GDPD4: variants seen among roughly 807,000 people sequenced by gnomAD.
The protein encoded by GDPD4 is glycerophosphodiester phosphodiesterase 6.
GDPD4 carries 60 observed loss-of-function variants against 67.8 expected under a neutral mutation model. The observed-to-expected ratio is 0.88, with a 90% CI of 0.72 to 1.10. GDPD4 has a LOEUF of 1.10. Ranked by LOEUF, GDPD4 falls within the 50% of genes least tolerant of loss-of-function variation. The pLI, the probability that GDPD4 is intolerant of heterozygous loss-of-function variation, is 0.00. For missense variants in GDPD4, 623 were observed against 613.9 expected (o/e 1.01, Z -0.16); for synonymous variants, 212 against 210.9 (o/e 1.00, Z -0.04).
Position 77,236,729 on chromosome 11 carries a change from A to AAC in GDPD4, c.1242-3559_1242-3558dup, listed in dbSNP as rs34508625. ...AAAGAGTTTCAAAATACAAGAAGGA[A>AAC]ACACACACACACACACACACACAAA... On this transcript the variant is annotated intron_variant, in intron 13 of 16. Transcript: ENST00000315938. 3.7e-3 allele frequency among the ~76,000 whole-genome samples: 534 copies of AAC among 145,478 alleles called. 2 individuals are homozygous for AAC. Among genetic ancestry groups the AAC allele is most frequent in the East Asian group, 4.6e-3 (23 of 5,040 alleles).
intron 12 of GDPD4, 100 bp from the exon 13 acceptor site, chr11:77,243,948 A>G: frequency 1.3e-6 from 1 of 746,154 alleles, no homozygotes; most frequent in South Asian, 1.7e-5. Flanking sequence ...CACAGGTAGT[A>G]TTCTACAGAG....
At chr11:77,224,934 T>G (rs1009902777) in intron 16 of GDPD4, among the ~76,000 whole-genome samples, 26 of 149,098 alleles carry the variant, frequency 1.7e-4, no homozygotes, top group African/African-American at 5.5e-4. Flanking sequence ...AGATGCCATC[T>G]CTACCTTTTT....
chr11:77,288,773 C>T (rs1342057427), intron 1 of GDPD4, among the ~76,000 whole-genome samples: 1 of 151,950 alleles, frequency 6.6e-6, no homozygotes, highest in Admixed American at 6.6e-5. Flanking sequence ...ATGACAACTT[C>T]GAAGTAATGT....
At chr11:77,241,711 G>A (rs775059631) in intron 13 of GDPD4, among the ~76,000 whole-genome samples, 28 of 147,244 alleles carry the variant, frequency 1.9e-4, no homozygotes, top group East Asian at 4.1e-4. Context: ...TTGGGATGCC[G>A]AGGCGGGTGG....
chr11:77,299,698 T>C (rs537695540), intron 1 of GDPD4, among the ~76,000 whole-genome samples: 9 of 152,260 alleles, frequency 5.9e-5, no homozygotes, highest in African/African-American at 2.2e-4. Flanking sequence ...AGAGAGTAAG[T>C]CCCAAATGCA....
At position 77,252,065 on chromosome 11, in the gene GDPD4, G is replaced by GTT. The variant is rs71043561; in HGVS notation, c.864+6319_864+6320dup. On this transcript the variant is annotated intron_variant, in intron 11 of 16. Transcript: ENST00000315938. ...TTTTTTGTTTGTTTGTTTTTTTTTT[G>GTT]TTTTTTTTTTTTTTTTGAGACAGAG... Among the ~76,000 whole-genome samples the GTT allele has an allele frequency of 3.6e-3, 458 of 127,398 alleles. 13 individuals are homozygous for GTT. Among genetic ancestry groups the GTT allele is most frequent in the African/African-American group, 8.7e-3 (290 of 33,412 alleles). The allele number at this position is 127,398 out of a possible 152,430, so 83.6% of individuals were successfully genotyped here.
intron 10 of GDPD4, 71 bp downstream of exon 10, chr11:77,268,386 C>T: frequency 9.6e-7 from 1 of 1,041,836 alleles, no homozygotes; most frequent in Admixed American, 1.7e-5. Flanking sequence ...CAACCTCAGG[C>T]CAGGCTGGTT....
At chr11:77,224,558 G>A (rs763087453) in intron 16 of GDPD4, among the ~76,000 whole-genome samples, 1 of 152,134 alleles carries the variant, frequency 6.6e-6, no homozygotes, top group Non-Finnish European at 1.5e-5. Flanking sequence ...TAGGAGCTCA[G>A]ACCAAAACCC....
Position 77,217,382 on chromosome 11 carries a change from AT to A in GDPD4, c.1526-69del, listed in dbSNP as rs1279878827. ...CCACTCTCTGTCAGTCATGTGTGAA[AT>A]TCAAGTTATCTCTTAAATGTTAGCC... On this transcript the variant is annotated intron_variant, in intron 16 of 16. Coordinates refer to ENST00000315938, the MANE Select transcript of GDPD4 (RefSeq NM_182833.3). 8 of 1,254,976 alleles carry A rather than the reference AT, an allele frequency of 6.4e-6. No individual in the cohort carries two copies. In the Admixed American group the frequency reaches 1.0e-4, roughly 16 times the overall value. The allele number at this position is 1,254,976 out of a possible 1,614,324, so 77.7% of individuals were successfully genotyped here.
At chr11:77,277,259 G>A (rs1008489667) in intron 4 of GDPD4, among the ~76,000 whole-genome samples, 24 of 150,650 alleles carry the variant, frequency 1.6e-4, no homozygotes, top group Non-Finnish European at 3.2e-4. Context: ...TGGTCTCTCT[G>A]CCCATAGCCA....
intron 11 of GDPD4, among the ~76,000 whole-genome samples, chr11:77,254,660 T>A (rs1189639664): frequency 1.3e-5 from 2 of 152,188 alleles, no homozygotes; most frequent in African/African-American, 4.8e-5. Flanking sequence ...AATTATACTT[T>A]CACAAAAGGA....
intron 5 of GDPD4, among the ~76,000 whole-genome samples, chr11:77,273,829 G>C (rs773129475): frequency 3.0e-4 from 45 of 152,196 alleles, no homozygotes; most frequent in Non-Finnish European, 5.4e-4. Context: ...CCTATGATCA[G>C]CTAACCTACT....
At chr11:77,221,161 TATCA>T (rs1298060400) in intron 16 of GDPD4, among the ~76,000 whole-genome samples, 1 of 152,196 alleles carries the variant, frequency 6.6e-6, no homozygotes, top group Admixed American at 6.5e-5. Context: ...GCTAGTGGTC[TATCA>T]ATTTTATCTT....
chr11:77,230,243 A>C (rs1023579265), intron 14 of GDPD4, among the ~76,000 whole-genome samples: 6 of 152,182 alleles, frequency 3.9e-5, no homozygotes, highest in African/African-American at 1.4e-4. Context: ...CTACCAGATA[A>C]GCAGAATGTT....
chr11:77,300,180 C>G (rs568266701), intron 1 of GDPD4, among the ~76,000 whole-genome samples: 101 of 152,282 alleles, frequency 6.6e-4, no homozygotes, highest in African/African-American at 2.3e-3. Context: ...TCCACCCTCA[C>G]TCCCGCCAAA....
chr11:77,283,938 C>T (rs1959874337), intron 3 of GDPD4, among the ~76,000 whole-genome samples: 1 of 150,854 alleles, frequency 6.6e-6, no homozygotes, highest in Non-Finnish European at 1.5e-5. Flanking sequence ...TCACTGCAAC[C>T]TCTGCCTCCC....
At chr11:77,263,122 G>T (rs1422516780) in intron 10 of GDPD4, among the ~76,000 whole-genome samples, 1 of 151,780 alleles carries the variant, frequency 6.6e-6, no homozygotes, top group African/African-American at 2.4e-5. Context: ...CTGTAAAAAA[G>T]ATTAAAATAA....
chr11:77,281,196 T>A (rs1331220203), intron 3 of GDPD4, among the ~76,000 whole-genome samples: 1 of 152,232 alleles, frequency 6.6e-6, no homozygotes, highest in Non-Finnish European at 1.5e-5. Flanking sequence ...GTTATCATTA[T>A]AACAATGTTT....
intron 16 of GDPD4, among the ~76,000 whole-genome samples, chr11:77,225,300 CAAAAAA>C (rs34996619): frequency 8.3e-6 from 1 of 120,608 alleles, no homozygotes; most frequent in African/African-American, 3.2e-5. Flanking sequence ...GACTCTGTCT[CAAAAAA>C]AAAAAAAAAG....
Sources: gnomAD v4.1 joint callset for allele counts (sites outside exome capture counted in the v4.1 genomes callset) on GRCh38, gnomAD v4.1.1 for gene constraint, MANE v1.5 for transcripts, NCBI Gene and HGNC (gene_info 2026-07-23, HGNC 2026-07-21) for gene names.